Variants in SLC37A3 observed in about 807,000 individuals in gnomAD.
The protein encoded by SLC37A3 is solute carrier family 37 member 3, also known as sugar phosphate exchanger 3.
A neutral mutation model predicts 67.1 loss-of-function variants in SLC37A3; 51 were observed. The observed-to-expected ratio is 0.76, with a 90% CI of 0.61 to 0.96. SLC37A3 has a LOEUF of 0.96. Among genes scored for constraint, SLC37A3 ranks in the 40% least tolerant of loss-of-function variants. The pLI is 0.00. For synonymous variants in SLC37A3, 214 were observed against 231.4 expected, an observed-to-expected ratio of 0.92 and a Z score of 0.68; for missense variants, 508 against 603.0, an observed-to-expected ratio of 0.84 and a Z score of 1.65.
Position 140,372,528 on chromosome 7 carries a change from C to G in SLC37A3, c.199-2846G>C, listed in dbSNP as rs200591192. Among the ~76,000 whole-genome samples, 6 of 152,300 alleles carry G rather than the reference C, an allele frequency of 3.9e-5. No homozygotes were observed. In the East Asian group the frequency reaches 1.2e-3, roughly 29 times the overall value. On this transcript the variant is annotated intron_variant, in intron 3 of 14. Coordinates refer to ENST00000326232, the MANE Select transcript of SLC37A3 (RefSeq NM_207113.3). ...GCACTAGTGATCACCATATTGCTCA[C>G]TGCAGCATGCTCACAATAAAAAACC... is the stretch of plus-strand genomic sequence containing the variant.
chr7:140,361,794 C>T (rs1462425213), intron 5 of SLC37A3, among the ~76,000 whole-genome samples: 7 of 144,286 alleles, frequency 4.9e-5, no homozygotes, highest in African/African-American at 1.0e-4. Context: ...GCGAGTGATC[C>T]GCCAGCCTCG....
intron 1 of SLC37A3, among the ~76,000 whole-genome samples, chr7:140,383,126 A>G (rs1798320345): frequency 6.6e-6 from 1 of 151,942 alleles, no homozygotes; most frequent in African/African-American, 2.4e-5. Flanking sequence ...CAAAAATTCA[A>G]TTTCTGGGCT....
chr7:140,380,489 T>C (rs908543889), intron 2 of SLC37A3, 99 bp from the exon 3 acceptor site: 6 of 844,714 alleles, frequency 7.1e-6, no homozygotes, highest in Non-Finnish European at 1.1e-5. Context: ...AATTTTATTT[T>C]ATTTTATTTG....
intron 3 of SLC37A3, among the ~76,000 whole-genome samples, chr7:140,376,066 C>T (rs1047835236): frequency 2.0e-5 from 3 of 149,756 alleles, no homozygotes; most frequent in African/African-American, 7.6e-5. Flanking sequence ...TTGTAGGTTT[C>T]CTTTACTCCT....
At chr7:140,339,264 G>GTTT (rs748009768) in intron 13 of SLC37A3, among the ~76,000 whole-genome samples, 1,532 of 130,738 alleles carry the variant, frequency 0.012, 41 homozygotes, top group African/African-American at 0.04. Context: ...TCCCAGTTTT[G>GTTT]TTTTTTTTTT....
rs762381318 is a variant in SLC37A3, at chr7:140,364,473, T to C, written c.310A>G (p.Ile104Val). Residue 104 changes from isoleucine to valine, a missense_variant, in exon 5 of 15, where the codon ATC becomes GTC. Coordinates refer to ENST00000326232, the MANE Select transcript of SLC37A3 (RefSeq NM_207113.3). ...CGCAAATTCAACCGATCCCCAACGATGCCACTGATGAATAGGCCCTAAAAA... is the reference window on the plus strand; with the variant it reads ...CGCAAATTCAACCGATCCCCAACGACGCCACTGATGAATAGGCCCTAAAAA... The part of the protein sequence containing the change: ...SYAVGLFISG[I>V]VGDRLNLRWV... 73 of 1,613,892 alleles carry C rather than the reference T, an allele frequency of 4.5e-5. No homozygotes were observed. Among genetic ancestry groups the C allele is most frequent in the Non-Finnish European group, 5.9e-5 (70 of 1,180,018 alleles).
At chr7:140,362,464 AG>A (rs1319757400) in intron 5 of SLC37A3, among the ~76,000 whole-genome samples, 8 of 133,004 alleles carry the variant, frequency 6.0e-5, no homozygotes. Context: ...CCCGTCTGGG[AG>A]GTGAGGGGCG....
chr7:140,383,049 A>G (rs922927666), intron 1 of SLC37A3, among the ~76,000 whole-genome samples: 3 of 152,162 alleles, frequency 2.0e-5, no homozygotes, highest in Non-Finnish European at 4.4e-5. Context: ...ATGCTACTGA[A>G]AGAAGTAAAA....
intron 5 of SLC37A3, among the ~76,000 whole-genome samples, chr7:140,361,985 T>C (rs1797327497): frequency 7.5e-6 from 1 of 133,332 alleles, no homozygotes; most frequent in Admixed American, 7.3e-5. Flanking sequence ...GTCTGGGAAG[T>C]GAGGAGCGTC....
intron 11 of SLC37A3, 118 bp downstream of exon 11, chr7:140,345,751 C>T (rs1174476593): frequency 1.3e-5 from 10 of 760,786 alleles, no homozygotes; most frequent in South Asian, 1.0e-4. Context: ...GGTGGCATAT[C>T]GGGCCTTGAA....
At chr7:140,373,266 C>T (rs528256167) in intron 3 of SLC37A3, among the ~76,000 whole-genome samples, 2 of 151,454 alleles carry the variant, frequency 1.3e-5, no homozygotes, top group South Asian at 4.2e-4. Context: ...AATAATTTTT[C>T]ATATTCTGTG....
At chr7:140,387,651 AT>A (rs1455862574) in intron 1 of SLC37A3, among the ~76,000 whole-genome samples, 1 of 118,452 alleles carries the variant, frequency 8.4e-6, no homozygotes, top group African/African-American at 3.2e-5. Flanking sequence ...AAATATATAT[AT>A]TATATAAATA....
chr7:140,390,204 A>G (rs1798670451), intron 1 of SLC37A3, among the ~76,000 whole-genome samples: 1 of 152,094 alleles, frequency 6.6e-6, no homozygotes, highest in Non-Finnish European at 1.5e-5. Context: ...ACATACATGA[A>G]GCTACCACAT....
chr7:140,348,904 CA>C lies in SLC37A3; in HGVS notation c.883-138del, dbSNP rs1226301402. 13 of 1,003,582 alleles carry C rather than the reference CA, an allele frequency of 1.3e-5. 1 individual carries two copies. The highest frequency in any genetic ancestry group is 1.1e-4 in the African/African-American group (7 of 60,872). 62.2% of individuals were successfully genotyped at this position (1,003,582 alleles called of 1,614,324 possible). A position where few individuals can be genotyped will look rare whatever the true frequency, so the allele number is the denominator to read the frequency against. On this transcript the variant is annotated intron_variant, in intron 9 of 14. Transcript: ENST00000326232. ...CTGATTTTACAGTTAAACATCTCTA[CA>C]AACTCCCACATGCCTGACTTCAGCT...
chr7:140,381,855 T>C (rs1224720426), intron 2 of SLC37A3, among the ~76,000 whole-genome samples: 2 of 151,184 alleles, frequency 1.3e-5, no homozygotes, highest in Non-Finnish European at 1.5e-5. Context: ...AGTGAAACCA[T>C]CTCTATTTAG....
rs1454146896 is a variant in SLC37A3 at position 140,335,353 on chromosome 7, T to C, written c.*59A>G. ...TAGACAAACCCAAATTAGGGCAGAC[T>C]CGAAGCCCCAGCGGTCCTGATGTGG... On this transcript the variant is annotated 3_prime_UTR_variant, in exon 15 of 15. Coordinates refer to ENST00000326232, the MANE Select transcript of SLC37A3 (RefSeq NM_207113.3). The C allele has an allele frequency of 6.2e-7, 1 of 1,614,102 alleles. No homozygotes were observed. The highest frequency in any genetic ancestry group is 1.1e-5 in the South Asian group (1 of 91,074).
intron 5 of SLC37A3, among the ~76,000 whole-genome samples, chr7:140,362,392 G>C (rs1183087601): frequency 1.4e-5 from 2 of 138,004 alleles, no homozygotes; most frequent in African/African-American, 2.7e-5. Flanking sequence ...GTCTCCGCCC[G>C]GCAGCCGCCC....
At position 140,334,554 on chromosome 7, in the gene SLC37A3, T is replaced by TA. The variant is rs34580240; in HGVS notation, c.*857dup. On this transcript the variant is annotated 3_prime_UTR_variant, in exon 15 of 15. Coordinates refer to ENST00000326232, the MANE Select transcript of SLC37A3 (RefSeq NM_207113.3). ...AGCAGATTAGCTTCCTAGAGGATCC[T>TA]AAGTTCCCAGACAACAAATCTGGGA... 0.61 allele frequency: 93,305 copies of TA among 152,390 alleles called. 30,655 individuals are homozygous for TA. Among genetic ancestry groups the TA allele is most frequent in the African/African-American group, 0.84 (34,667 of 41,446 alleles). The allele number at this position is 152,390 out of a possible 1,614,324, so 9.4% of individuals were successfully genotyped here. A position where few individuals can be genotyped will look rare whatever the true frequency, so the allele number is the denominator to read the frequency against.
chr7:140,394,547 G>A (rs1298769316), intron 1 of SLC37A3, among the ~76,000 whole-genome samples: 1 of 150,664 alleles, frequency 6.6e-6, no homozygotes, highest in Admixed American at 6.6e-5. Context: ...ACTTGAGCCT[G>A]GGAGGCTGAG....
Sources: gnomAD v4.1 joint callset for allele counts (sites outside exome capture counted in the v4.1 genomes callset) on GRCh38, gnomAD v4.1.1 for gene constraint, MANE v1.5 for transcripts, NCBI Gene and HGNC (gene_info 2026-07-23, HGNC 2026-07-21) for gene names.